The following MYO1E variants were observed in gnomAD, a reference collection of about 807,000 sequenced individuals.
The protein encoded by MYO1E is myosin IE.
A neutral mutation model predicts 151.1 loss-of-function variants in MYO1E; 68 were observed. The observed-to-expected ratio is 0.45, with a 90% confidence interval of 0.37 to 0.55. The LOEUF is 0.55. MYO1E is among the 20% of genes least tolerant of loss of function. The pLI is 0.00. For synonymous variants in MYO1E, 601 were observed against 501.7 expected, an observed-to-expected ratio of 1.20 and a Z score of -2.64; for missense variants, 1,363 against 1,389.3, an observed-to-expected ratio of 0.98 and a Z score of 0.30.
At chr15:59,248,410 C>T (rs1000438976) in intron 4 of MYO1E, among the ~76,000 whole-genome samples, 23 of 128,554 alleles carry the variant, frequency 1.8e-4, no homozygotes, top group African/African-American at 6.2e-4. Flanking sequence ...CGCTTGAACC[C>T]GGGGGGATGG....
chr15:59,190,669 T>G (rs2079727426), intron 17 of MYO1E, among the ~76,000 whole-genome samples: 1 of 152,222 alleles, frequency 6.6e-6, no homozygotes, highest in Admixed American at 6.5e-5. Flanking sequence ...TCTGTGCCTC[T>G]CAGTTTCCTC....
chr15:59,136,664 T>C lies in MYO1E; in HGVS notation c.*716A>G, dbSNP rs147223727. 5.0e-3 allele frequency: 2,267 copies of C among 456,346 alleles called. 10 individuals carry two copies. Among genetic ancestry groups the C allele is most frequent in the South Asian group, 0.012 (770 of 64,558 alleles). 28.3% of individuals were successfully genotyped at this position (456,346 alleles called of 1,614,324 possible). On this transcript the variant is annotated 3_prime_UTR_variant, in exon 28 of 28. Transcript: ENST00000288235. ...AAATGTACAGCTTGAAAAAAGATCCTTCTTGTAGTAAGTACAGCATTTAAA... is the reference window on the plus strand; with the variant it reads ...AAATGTACAGCTTGAAAAAAGATCCCTCTTGTAGTAAGTACAGCATTTAAA...
chr15:59,341,016 C>CAAAAAAAAAAAAAA (rs35367694), intron 1 of MYO1E, among the ~76,000 whole-genome samples: 1 of 86,280 alleles, frequency 1.2e-5, no homozygotes, highest in Admixed American at 1.3e-4. Flanking sequence ...GACTCCATCT[C>CAAAAAAAAAAAAAA]AAAAAAAAAA....
intron 5 of MYO1E, among the ~76,000 whole-genome samples, 194 bp downstream of exon 5, chr15:59,236,367 TATACACACACACACACACACACAC>T (rs2080064840): frequency 2.5e-4 from 6 of 23,608 alleles, no homozygotes; most frequent in African/African-American, 5.3e-4. Flanking sequence ...AAAAAAAATA[TATACACACACACACACACACACAC>T]ACACACACAC....
chr15:59,206,848 G>A, intron 14 of MYO1E: 2 of 1,337,576 alleles, frequency 1.5e-6, no homozygotes, highest in South Asian at 1.4e-5. Flanking sequence ...GCCGTAGAGT[G>A]CTGAAGGTCC....
intron 26 of MYO1E, among the ~76,000 whole-genome samples, chr15:59,150,851 G>T (rs1222551378): frequency 6.6e-6 from 1 of 152,124 alleles, no homozygotes; most frequent in Non-Finnish European, 1.5e-5. Context: ...CAGAAACGCG[G>T]AAAGTGGGCC....
chr15:59,145,950 G>A (rs1005093071), intron 26 of MYO1E, among the ~76,000 whole-genome samples: 7 of 152,108 alleles, frequency 4.6e-5, no homozygotes, highest in African/African-American at 1.7e-4. Flanking sequence ...CCATCCTCAA[G>A]CTGCCCTCAC....
chr15:59,208,814 A>G lies in MYO1E; in HGVS notation c.1397T>C (p.Val466Ala). The G allele has an allele frequency of 1.2e-6, 2 of 1,614,184 alleles. No homozygotes were observed. Among genetic ancestry groups the G allele is most frequent in the Non-Finnish European group, 1.7e-6 (2 of 1,180,024 alleles). ...PPGIMSILDD[V>A]CATMHAVGEG... is the part of the protein sequence containing the mutation. ...ACCCACCGCATGCATCGTGGCGCAC[A>G]CGTCATCCAGGATGCTCATGATGCC... Residue 466 changes from valine to alanine, a missense_variant, in exon 14 of 28, where the codon GTG (valine) becomes GCG (alanine). Val to Ala is a moderately conservative substitution (Grantham distance 64, BLOSUM62 0). Transcript: ENST00000288235.
At chr15:59,294,254 G>C (rs934778510) in intron 1 of MYO1E, among the ~76,000 whole-genome samples, 2 of 152,044 alleles carry the variant, frequency 1.3e-5, no homozygotes, top group Admixed American at 1.3e-4. Flanking sequence ...TCTCATGATC[G>C]TGCCCCTTAG....
intron 1 of MYO1E, among the ~76,000 whole-genome samples, chr15:59,345,286 T>C (rs114173877): frequency 0.016 from 2,413 of 151,858 alleles, 63 homozygotes; most frequent in African/African-American, 0.054. Context: ...GTGCAGAATA[T>C]TGCAGAAGAA....
At chr15:59,304,265 G>A (rs1339885881) in intron 1 of MYO1E, among the ~76,000 whole-genome samples, 1 of 152,158 alleles carries the variant, frequency 6.6e-6, no homozygotes. Flanking sequence ...TTACAGGCGT[G>A]AGCCACTGCG....
At chr15:59,307,198 G>A (rs1029363899) in intron 1 of MYO1E, among the ~76,000 whole-genome samples, 1 of 152,184 alleles carries the variant, frequency 6.6e-6, no homozygotes, top group Non-Finnish European at 1.5e-5. Flanking sequence ...CTAAGTCCAA[G>A]GGGACATCAC....
chr15:59,255,466 C>T (rs184104096), intron 4 of MYO1E, among the ~76,000 whole-genome samples: 1 of 152,254 alleles, frequency 6.6e-6, no homozygotes, highest in East Asian at 1.9e-4. Context: ...ACGATCTCAG[C>T]TCACTGCAAC....
At chr15:59,147,638 G>C (rs1453402643) in intron 26 of MYO1E, among the ~76,000 whole-genome samples, 1 of 140,078 alleles carries the variant, frequency 7.1e-6, no homozygotes, top group East Asian at 2.0e-4. Flanking sequence ...AAGAAAGGAA[G>C]AGACTGTGGA....
chr15:59,178,339 G>T, intron 19 of MYO1E, 54 bp downstream of exon 19: 1 of 1,606,306 alleles, frequency 6.2e-7, no homozygotes, highest in Middle Eastern at 1.7e-4. Flanking sequence ...GTGGAGCAGG[G>T]CTGGCGGGGG....
At chr15:59,251,823 G>T (rs1396901655) in intron 4 of MYO1E, among the ~76,000 whole-genome samples, 4 of 152,194 alleles carry the variant, frequency 2.6e-5, no homozygotes, top group Non-Finnish European at 5.9e-5. Flanking sequence ...GAACCCAACT[G>T]TAGGTCAGGT....
intron 1 of MYO1E, among the ~76,000 whole-genome samples, chr15:59,278,206 A>C (rs957210996): frequency 8.5e-5 from 13 of 152,232 alleles, no homozygotes; most frequent in Non-Finnish European, 1.6e-4. Context: ...TAGTTGGCCC[A>C]TGAGCACAAC....
At chr15:59,334,518 TA>T (rs1203007070) in intron 1 of MYO1E, among the ~76,000 whole-genome samples, 2 of 151,036 alleles carry the variant, frequency 1.3e-5, no homozygotes, top group Non-Finnish European at 2.9e-5. Context: ...ACTCCTGACA[TA>T]AACACAGAAA....
At chr15:59,255,714 C>CA (rs1403356068) in intron 4 of MYO1E, among the ~76,000 whole-genome samples, 2 of 151,982 alleles carry the variant, frequency 1.3e-5, no homozygotes. Context: ...AAAAAAATTG[C>CA]AAAAAAATCT....
Sources: gnomAD v4.1 joint callset for allele counts (sites outside exome capture counted in the v4.1 genomes callset) on GRCh38, gnomAD v4.1.1 for gene constraint, MANE v1.5 for transcripts, NCBI Gene and HGNC (gene_info 2026-07-23, HGNC 2026-07-21) for gene names.